Variants in UBA5 observed in about 807,000 individuals in gnomAD.
The protein encoded by UBA5 is ubiquitin like modifier activating enzyme 5.
Under a neutral mutation model 52.9 loss-of-function variants are expected in UBA5, and 28 were observed. The observed-to-expected ratio is 0.53, with a 90% CI of 0.39 to 0.73. The LOEUF (loss-of-function observed/expected upper bound fraction) is 0.73, where lower values mean the gene tolerates loss of function less well. Ranked by LOEUF, UBA5 falls within the 30% of genes least tolerant of loss-of-function variation. UBA5 has a pLI of 0.00. For missense variants in UBA5, 388 were observed against 492.7 expected (o/e 0.79, Z 2.01); for synonymous variants, 135 against 162.1 (o/e 0.83, Z 1.27).
upstream of UBA5, among the ~76,000 whole-genome samples, chr3:132,656,946 T>C (rs568859331): frequency 1.9e-4 from 29 of 152,212 alleles, no homozygotes; most frequent in African/African-American, 5.1e-4. Context: ...GCTATTATAG[T>C]TATATTCTGA....
rs539629200 is a variant in UBA5, at chr3:132,678,789, A to G, written c.*2263A>G. Among the ~76,000 whole-genome samples, 3 of 151,976 alleles carry G rather than the reference A, an allele frequency of 2.0e-5. No individual in the cohort carries two copies. The South Asian group carries it at 6.3e-4, about 32-fold the overall frequency. ...CTCAGCCTCCCAAGTAGCTGGGATTACAGGTGCCCGCCACCACGCATGGCT... is the reference window on the plus strand; with the variant it reads ...CTCAGCCTCCCAAGTAGCTGGGATTGCAGGTGCCCGCCACCACGCATGGCT... On this transcript the variant is annotated 3_prime_UTR_variant, in exon 12 of 12. Coordinates refer to ENST00000356232, the MANE Select transcript of UBA5 (RefSeq NM_024818.6).
Position 132,668,738 on chromosome 3 carries a change from G to A in UBA5, c.298-80G>A, listed in dbSNP as rs1017416419. ...TATCAAACTGCTAAACTAATTAAAT[G>A]TAAAGCTCTCTAATTTATTTTTTGA... On this transcript the variant is annotated intron_variant, in intron 3 of 11. Transcript: ENST00000356232. 473 of 868,494 alleles carry A rather than the reference G, an allele frequency of 5.4e-4. 2 individuals carry two copies. Among genetic ancestry groups the A allele is most frequent in the Middle Eastern group, 7.9e-4 (3 of 3,784 alleles). The allele number at this position is 868,494 out of a possible 1,614,324, so 53.8% of individuals were successfully genotyped here. A position where few individuals can be genotyped will look rare whatever the true frequency, so the allele number is the denominator to read the frequency against.
chr3:132,659,681 G>A (rs148497159), upstream of UBA5: 1 of 1,611,404 alleles, frequency 6.2e-7, no homozygotes, highest in Non-Finnish European at 8.5e-7. Context: ...GGCCTCCAGG[G>A]ACTTGCTGTC....
chr3:132,656,278 A>G (rs1448930969), upstream of UBA5, among the ~76,000 whole-genome samples: 3 of 152,206 alleles, frequency 2.0e-5, no homozygotes, highest in Non-Finnish European at 4.4e-5. Context: ...CAAACAGTAC[A>G]ATGAACATCT....
chr3:132,670,574 G>A (rs1938557410), intron 5 of UBA5: 1 of 232,178 alleles, frequency 4.3e-6, no homozygotes, highest in South Asian at 1.0e-4. Flanking sequence ...ATTTCTGTCT[G>A]AAAATGGTTT....
intron 1 of UBA5, among the ~76,000 whole-genome samples, chr3:132,664,814 A>G (rs1324974356): frequency 6.6e-6 from 1 of 152,152 alleles, no homozygotes; most frequent in Admixed American, 6.5e-5. Flanking sequence ...AGAGACAATC[A>G]TGTCAGATTC....
chr3:132,656,298 G>T (rs1937797004), upstream of UBA5, among the ~76,000 whole-genome samples: 1 of 152,042 alleles, frequency 6.6e-6, no homozygotes, highest in Non-Finnish European at 1.5e-5. Context: ...TTTGTAGATT[G>T]TCCCCTTATA....
chr3:132,669,075 G>A (rs978142100), intron 4 of UBA5, 148 bp downstream of exon 4: 13 of 545,488 alleles, frequency 2.4e-5, no homozygotes, highest in African/African-American at 1.7e-4. Flanking sequence ...GACATGGGTT[G>A]GCAAACTTTT....
chr3:132,668,329 TTATAC>T (rs1938464741), intron 3 of UBA5: 2 of 153,176 alleles, frequency 1.3e-5, no homozygotes, highest in African/African-American at 2.4e-5. Flanking sequence ...AGGAGTCAGG[TTATAC>T]TATATTTTAA....
chr3:132,654,821 G>A (rs866782135), intron 1 of UBA5, among the ~76,000 whole-genome samples: 7 of 152,264 alleles, frequency 4.6e-5, no homozygotes, highest in Middle Eastern at 3.4e-3. Context: ...ACAATAAATC[G>A]TGAATTCCTA....
At chr3:132,666,866 T>C (rs958203594) in intron 3 of UBA5, among the ~76,000 whole-genome samples, 1 of 152,156 alleles carries the variant, frequency 6.6e-6, no homozygotes, top group African/African-American at 2.4e-5. Flanking sequence ...AAAAATTGCT[T>C]ATAGCTGACT....
At chr3:132,658,595 A>G (rs1937944136), upstream of UBA5, among the ~76,000 whole-genome samples, 1 of 152,238 alleles carries the variant, frequency 6.6e-6, no homozygotes, top group South Asian at 2.1e-4. Context: ...GTTACAACAC[A>G]AGGCTTCTAG....
rs1159779593 is a variant in UBA5 at position 132,660,840 on chromosome 3, C to T, written c.161+142C>T. Reference sequence around the variant, plus strand: ...TCTGCGAATCCTGTTCCCAAATGGGCAAGGCCACATCTTAGTACTGATCGG... The same window carrying T: ...TCTGCGAATCCTGTTCCCAAATGGGTAAGGCCACATCTTAGTACTGATCGG... On this transcript the variant is annotated intron_variant, in intron 1 of 11. Transcript: ENST00000356232. This position sits in a 1 kb window ranked among gnomAD's most constrained non-coding sequence, Gnocchi z 4.1. 1 of 1,447,722 alleles carries T rather than the reference C, an allele frequency of 6.9e-7. No individual in the cohort carries two copies. Among genetic ancestry groups the T allele is most frequent in the Non-Finnish European group, 9.1e-7 (1 of 1,099,248 alleles). 89.7% of individuals were successfully genotyped at this position (1,447,722 alleles called of 1,614,324 possible). A position where few individuals can be genotyped will look rare whatever the true frequency, so the allele number is the denominator to read the frequency against.
intron 4 of UBA5, 112 bp downstream of exon 4, chr3:132,669,039 T>A (rs926722887): frequency 4.6e-5 from 33 of 717,196 alleles, no homozygotes; most frequent in Admixed American, 3.8e-4. Flanking sequence ...AGTTTTCACT[T>A]GTACAAAGAA....
chr3:132,674,507 G>T (rs1239542478), intron 8 of UBA5, among the ~76,000 whole-genome samples: 1 of 152,058 alleles, frequency 6.6e-6, no homozygotes, highest in Non-Finnish European at 1.5e-5. Flanking sequence ...GGGCAACATG[G>T]CAAAGCCCCA....
chr3:132,661,170 C>A, intron 1 of UBA5: 2 of 753,626 alleles, frequency 2.7e-6, no homozygotes, highest in South Asian at 1.8e-5. Flanking sequence ...AACCATTCGA[C>A]ATTACCAAGA....
chr3:132,668,776 T>C (rs973241411), intron 3 of UBA5, 42 bp from the exon 4 acceptor site: 1 of 1,290,754 alleles, frequency 7.7e-7, no homozygotes, highest in African/African-American at 1.5e-5. Flanking sequence ...TGTTTAGTTT[T>C]TTGGTATGTT....
At position 132,679,775 on chromosome 3, in the gene UBA5, C is replaced by CT. The variant is rs1207689337; in HGVS notation, c.*3250dup. Reference sequence around the variant, plus strand: ...CCACTAAATAATCAAATTCTAAGCTCTAACAGCTTAATTCTAAAATCATTG... The same window carrying CT: ...CCACTAAATAATCAAATTCTAAGCTCTTAACAGCTTAATTCTAAAATCATTG... On this transcript the variant is annotated 3_prime_UTR_variant, in exon 12 of 12. Coordinates refer to ENST00000356232, the MANE Select transcript of UBA5 (RefSeq NM_024818.6). Among the ~76,000 whole-genome samples, 1 of 152,144 alleles carries CT rather than the reference C, an allele frequency of 6.6e-6. No individual in the cohort carries two copies. The highest frequency in any genetic ancestry group is 1.5e-5 in the Non-Finnish European group (1 of 68,038).
At chr3:132,657,700 G>A (rs1310020491), upstream of UBA5, among the ~76,000 whole-genome samples, 3 of 151,992 alleles carry the variant, frequency 2.0e-5, no homozygotes, top group African/African-American at 7.2e-5. Context: ...CATTTTAACT[G>A]TTGCTAAAGT....
Sources: allele counts gnomAD v4.1 joint callset (sites outside exome capture counted in the v4.1 genomes callset), GRCh38; gene constraint gnomAD v4.1.1; non-coding constraint Gnocchi (gnomAD v3.1); transcripts MANE v1.5; gene names NCBI Gene and HGNC (gene_info 2026-07-23, HGNC 2026-07-21).